Variants in PKHD1 observed in about 807,000 individuals in gnomAD.
PKHD1 encodes the protein PKHD1 ciliary IPT domain containing fibrocystin/polyductin.
Under a neutral mutation model 412.0 loss-of-function variants are expected in PKHD1, and 291 were observed. That is an observed-to-expected ratio of 0.71 (90% CI 0.64 to 0.78). The LOEUF (loss-of-function observed/expected upper bound fraction) is 0.78, where lower values mean the gene tolerates loss of function less well. PKHD1 is among the 30% of genes least tolerant of loss of function. The probability of loss-of-function intolerance (pLI) is 0.00; values close to 1 mark genes in which losing one functional copy is unlikely to be tolerated. For synonymous variants in PKHD1, 1,777 were observed against 1,821.5 expected (o/e 0.98, Z 0.62); for missense variants, 4,825 against 4,950.7 (o/e 0.97, Z 0.76).
chr6:52,015,621 G>A (rs983090096), intron 34 of PKHD1, among the ~76,000 whole-genome samples: 2 of 151,924 alleles, frequency 1.3e-5, no homozygotes, highest in African/African-American at 2.4e-5. Context: ...TCAGGAGATC[G>A]AGACCATCCT....
intron 55 of PKHD1, among the ~76,000 whole-genome samples, chr6:51,756,216 C>G (rs1318149772): frequency 6.6e-6 from 1 of 152,120 alleles, no homozygotes; most frequent in Non-Finnish European, 1.5e-5. Context: ...AGCTCTGTTC[C>G]TGATTTGCTA....
chr6:51,866,184 T>C (rs1158776350), intron 48 of PKHD1, among the ~76,000 whole-genome samples: 2 of 152,094 alleles, frequency 1.3e-5, no homozygotes, highest in African/African-American at 4.8e-5. Flanking sequence ...GACTTCCAGG[T>C]GACTAATTAG....
At chr6:52,081,009 C>T (rs1811950838) in intron 4 of PKHD1, among the ~76,000 whole-genome samples, 1 of 152,090 alleles carries the variant, frequency 6.6e-6, no homozygotes, top group Admixed American at 6.6e-5. Context: ...CAATTATGTA[C>T]ATGTTTTTAT....
chr6:51,760,675 T>C (rs1196564777), intron 55 of PKHD1, among the ~76,000 whole-genome samples: 3 of 152,022 alleles, frequency 2.0e-5, no homozygotes, highest in East Asian at 3.9e-4. Context: ...ATGTAGCAGA[T>C]AGGAAAGAAA....
rs1057517324 is a variant in PKHD1, at chr6:51,627,005, AC to A, written c.11776del (p.Val3926TrpfsTer5). ...CCACCCTCCAAGCTTACCTTCTCCC[AC>A]CACAGTGTCTTCTTTTTTGGGCCCT... Reference protein sequence around the residue: ...SQGPKKEDTVVGEDMRMKVML... With the variant: ...SQGPKKEDTVXGEDMRMKVML... On this transcript the variant is annotated frameshift_variant, in exon 66 of 67. Coordinates refer to ENST00000371117, the MANE Select transcript of PKHD1 (RefSeq NM_138694.4). LOFTEE classifies it low-confidence loss of function (END_TRUNC). 2.5e-6 allele frequency: 4 copies of A among 1,613,434 alleles called. No homozygotes were observed. In the South Asian group the frequency reaches 4.4e-5, roughly 18 times the overall value.
Position 51,930,207 on chromosome 6 carries a change from A to G in PKHD1, c.6121+3903T>C, listed in dbSNP as rs186140387. On this transcript the variant is annotated intron_variant, in intron 37 of 66. Coordinates refer to ENST00000371117, the MANE Select transcript of PKHD1 (RefSeq NM_138694.4). ...AGAGTGAAATTTCCTTATTGACTAC[A>G]GCTACCCAAACCCCAGACTGCCACT... 9.1e-4 allele frequency among the ~76,000 whole-genome samples: 138 copies of G among 152,304 alleles called. 1 individual carries two copies. Among genetic ancestry groups the G allele is most frequent in the African/African-American group, 3.2e-3 (132 of 41,570 alleles).
rs765985090 is a variant in PKHD1 at position 51,885,909 on chromosome 6, C to A, written c.7173G>T (p.Leu2391=). The change falls in exon 45 of 67, where the codon CTG becomes CTT. Residue 2391 remains leucine (L), a synonymous_variant. Transcript: ENST00000371117. ...TTTCCCAAACTGTGAAGCTCTGGAA[C>A]AGAGTGGTGCCAGTGACATTATCCC... ...PPWDNVTGTT[L]FQSFTVWESA... 9.3e-6 allele frequency: 15 copies of A among 1,613,360 alleles called. No homozygotes were observed. The highest frequency in any genetic ancestry group is 1.2e-5 in the Non-Finnish European group (14 of 1,179,530).
chr6:51,705,809 TA>T (rs1189471016), intron 60 of PKHD1, among the ~76,000 whole-genome samples: 3 of 151,954 alleles, frequency 2.0e-5, no homozygotes, highest in Non-Finnish European at 4.4e-5. Context: ...AAATAAAAAT[TA>T]AAAAAAATCT....
chr6:51,887,099 C>A (rs1562534925), intron 44 of PKHD1, 34 bp downstream of exon 44: 1 of 1,316,738 alleles, frequency 7.6e-7, no homozygotes, highest in African/African-American at 1.4e-5. Context: ...AATCATAAGA[C>A]AGCCAAAACA....
intron 11 of PKHD1, among the ~76,000 whole-genome samples, chr6:52,068,901 G>T (rs962430603): frequency 2.0e-5 from 3 of 152,170 alleles, no homozygotes; most frequent in African/African-American, 7.2e-5. Flanking sequence ...CAACCCCACA[G>T]ACATTTCTTC....
At chr6:52,037,266 T>G (rs1159623481) in intron 27 of PKHD1, among the ~76,000 whole-genome samples, 1 of 152,078 alleles carries the variant, frequency 6.6e-6, no homozygotes, top group Non-Finnish European at 1.5e-5. Flanking sequence ...AAAGAAAGTT[T>G]TTTGACTAGA....
rs372069691 is a variant in PKHD1 at position 51,934,104 on chromosome 6, A to G, written c.6121+6T>C. 3.8e-5 allele frequency: 61 copies of G among 1,598,182 alleles called. 1 individual carries two copies. The highest frequency in any genetic ancestry group is 5.2e-5 in the Non-Finnish European group (61 of 1,165,546). ...TTCATTTCCTCTGATCAATTGCCTC[A>G]CTCACCGTGCAGAGAAAGAGTTCCA... On this transcript the variant is annotated splice_donor_region_variant and intron_variant, in intron 37 of 66. Transcript: ENST00000371117.
intron 55 of PKHD1, among the ~76,000 whole-genome samples, chr6:51,768,604 G>A (rs948788044): frequency 6.6e-6 from 1 of 151,864 alleles, no homozygotes; most frequent in African/African-American, 2.4e-5. Context: ...TTTATAGGAT[G>A]AAATATCCAT....
intron 34 of PKHD1, among the ~76,000 whole-genome samples, chr6:52,011,643 T>C (rs1468830034): frequency 6.6e-6 from 1 of 152,222 alleles, no homozygotes; most frequent in East Asian, 1.9e-4. Flanking sequence ...TGTCAAACCC[T>C]ACCATCTTTT....
chr6:51,911,761 T>C (rs748904122), intron 39 of PKHD1, 38 bp downstream of exon 39: 5 of 1,569,978 alleles, frequency 3.2e-6, no homozygotes, highest in African/African-American at 1.4e-5. Context: ...GAATATTCTT[T>C]TTTGCTCATT....
intron 23 of PKHD1, among the ~76,000 whole-genome samples, chr6:52,046,805 C>G (rs1218862065): frequency 1.3e-5 from 2 of 152,226 alleles, no homozygotes; most frequent in African/African-American, 2.4e-5. Flanking sequence ...TCATTAGCTG[C>G]TCCCAGCAGC....
intron 50 of PKHD1, among the ~76,000 whole-genome samples, chr6:51,838,383 C>T (rs1769608492): frequency 6.6e-6 from 1 of 152,162 alleles, no homozygotes; most frequent in African/African-American, 2.4e-5. Context: ...GCACCAATGG[C>T]TTCTGGACTG....
intron 60 of PKHD1, among the ~76,000 whole-genome samples, chr6:51,711,020 C>T (rs565265690): frequency 1.3e-5 from 2 of 152,288 alleles, no homozygotes; most frequent in South Asian, 2.1e-4. Flanking sequence ...GCTCCCAGTT[C>T]CATGCAGGAG....
chr6:51,635,711 C>T (rs553489848), intron 64 of PKHD1, among the ~76,000 whole-genome samples: 1 of 151,548 alleles, frequency 6.6e-6, no homozygotes, highest in African/African-American at 2.4e-5. Flanking sequence ...ACTGAGTGAT[C>T]CAAAAGAGTC....
Sources: allele counts gnomAD v4.1 joint callset (sites outside exome capture counted in the v4.1 genomes callset), GRCh38; gene constraint gnomAD v4.1.1; transcripts MANE v1.5; gene names NCBI Gene and HGNC (gene_info 2026-07-23, HGNC 2026-07-21).